The following FLACC1 variants were observed in gnomAD, a reference collection of about 807,000 sequenced individuals.
FLACC1 encodes the protein flagellum-associated coiled-coil domain-containing protein 1.
FLACC1 carries 66 observed loss-of-function variants against 62.8 expected under a neutral mutation model. The ratio of observed to expected loss-of-function variants is 1.05; its 90% CI spans 0.86 to 1.29. FLACC1 has a LOEUF of 1.29. Among genes scored for constraint, FLACC1 ranks in the 50% most tolerant of loss-of-function variants. The pLI is 0.00. For missense variants in FLACC1, 452 were observed against 489.1 expected (o/e 0.92, Z 0.71); for synonymous variants, 156 against 161.0 (o/e 0.97, Z 0.24).
intron 9 of FLACC1, among the ~76,000 whole-genome samples, chr2:201,313,677 C>T (rs1417914096): frequency 6.6e-6 from 1 of 152,138 alleles, no homozygotes; most frequent in Non-Finnish European, 1.5e-5. Flanking sequence ...TCTAGGGCCC[C>T]ACCCACCGCC....
intron 9 of FLACC1, among the ~76,000 whole-genome samples, chr2:201,310,836 G>T (rs1339537798): frequency 6.6e-6 from 1 of 151,708 alleles, no homozygotes; most frequent in African/African-American, 2.4e-5. Flanking sequence ...CCCATACAAA[G>T]AATCAATGAA....
intron 1 of FLACC1, among the ~76,000 whole-genome samples, chr2:201,354,268 T>G (rs967143285): frequency 1.3e-5 from 2 of 152,214 alleles, no homozygotes; most frequent in Non-Finnish European, 2.9e-5. Flanking sequence ...AGATGCTGGT[T>G]GGACCTTGCC....
intron 6 of FLACC1, among the ~76,000 whole-genome samples, chr2:201,343,672 T>G (rs183687160): frequency 3.3e-4 from 51 of 152,276 alleles, no homozygotes; most frequent in African/African-American, 1.1e-3. Context: ...AGTCACCAGA[T>G]GAAACAGATG....
At chr2:201,303,875 G>A (rs574606058) in intron 11 of FLACC1, among the ~76,000 whole-genome samples, 4 of 152,046 alleles carry the variant, frequency 2.6e-5, no homozygotes, top group Admixed American at 1.3e-4. Flanking sequence ...AACAAAATTC[G>A]AAAACCATTC....
At chr2:201,288,812 T>C (rs1163096363) in intron 14 of FLACC1, 31 bp from the exon 15 acceptor site, 1 of 1,608,528 alleles carries the variant, frequency 6.2e-7, no homozygotes, top group African/African-American at 1.3e-5. Context: ...TGTATCAATG[T>C]CAACTCAAAA....
chr2:201,341,637 C>T (rs1222191280), intron 7 of FLACC1, among the ~76,000 whole-genome samples: 1 of 151,802 alleles, frequency 6.6e-6, no homozygotes, highest in Non-Finnish European at 1.5e-5. Flanking sequence ...CATCATTTCA[C>T]TTAGTTAACC....
chr2:201,294,623 G>A (rs1559384505), intron 12 of FLACC1, among the ~76,000 whole-genome samples: 1 of 152,200 alleles, frequency 6.6e-6, no homozygotes, highest in Non-Finnish European at 1.5e-5. Flanking sequence ...AGACAGGGAT[G>A]CCCTCTCTCA....
chr2:201,323,784 C>CAAAAAAAAAAA (rs71022362), intron 9 of FLACC1, among the ~76,000 whole-genome samples: 683 of 52,680 alleles, frequency 0.013, 64 homozygotes, highest in African/African-American at 0.05. Flanking sequence ...CAGACTCTAT[C>CAAAAAAAAAAA]AAAAAAAAAA....
intron 9 of FLACC1, among the ~76,000 whole-genome samples, chr2:201,327,693 T>A (rs1950522005): frequency 6.6e-6 from 1 of 151,490 alleles, no homozygotes; most frequent in South Asian, 2.1e-4. Context: ...GAAAAGGGAG[T>A]GCTTATATAC....
chr2:201,321,010 C>T (rs186743453), intron 9 of FLACC1, among the ~76,000 whole-genome samples: 3 of 152,324 alleles, frequency 2.0e-5, no homozygotes, highest in Admixed American at 6.5e-5. Context: ...CCACTGCCTG[C>T]ACCATTCTGG....
chr2:201,318,783 A>C (rs1304145954), intron 9 of FLACC1, among the ~76,000 whole-genome samples: 1 of 152,244 alleles, frequency 6.6e-6, no homozygotes, highest in East Asian at 1.9e-4. Context: ...GTAATGAATT[A>C]ATGGCATCAA....
chr2:201,320,729 C>T (rs977430545), intron 9 of FLACC1, among the ~76,000 whole-genome samples: 16 of 152,222 alleles, frequency 1.1e-4, no homozygotes, highest in Non-Finnish European at 4.4e-5. Context: ...CCAACCCTCA[C>T]CCTGCTTTGC....
At position 201,330,828 on chromosome 2, in the gene FLACC1, AGCTCCCT is replaced by A. The variant is rs779110966; in HGVS notation, c.525-2_529del. The A allele has an allele frequency of 6.2e-7, 1 of 1,612,754 alleles. No homozygotes were observed. Among genetic ancestry groups the A allele is most frequent in the Non-Finnish European group, 8.5e-7 (1 of 1,179,900 alleles). On this transcript the variant is annotated splice_acceptor_variant and coding_sequence_variant, in exon 8 of 15. Transcript: ENST00000392257. LOFTEE classifies it high-confidence loss of function. ...GAGTTCTGCTTCATGGGCCTCTTTG[AGCTCCCT>A]GTGGGACCCCAGGAGAAGGCCACAA... is the stretch of plus-strand genomic sequence containing the variant.
intron 9 of FLACC1, among the ~76,000 whole-genome samples, chr2:201,321,453 G>C (rs367791467): frequency 6.6e-6 from 1 of 152,154 alleles, no homozygotes; most frequent in Non-Finnish European, 1.5e-5. Context: ...GGCTCAGCAG[G>C]AAAAGTCTTC....
intron 9 of FLACC1, among the ~76,000 whole-genome samples, chr2:201,322,722 G>C (rs897229418): frequency 1.3e-5 from 2 of 152,062 alleles, no homozygotes; most frequent in Non-Finnish European, 2.9e-5. Context: ...TAGCTCTCCA[G>C]CAATGGATCC....
intron 11 of FLACC1, among the ~76,000 whole-genome samples, chr2:201,301,787 T>C (rs1949990135): frequency 6.6e-6 from 1 of 152,182 alleles, no homozygotes. Flanking sequence ...TATTCAACAT[T>C]CTTAAAGAAA....
intron 7 of FLACC1, among the ~76,000 whole-genome samples, chr2:201,340,814 C>T (rs1950792939): frequency 6.6e-6 from 1 of 152,120 alleles, no homozygotes; most frequent in African/African-American, 2.4e-5. Context: ...GTAATGAACT[C>T]CCTTAATTTT....
chr2:201,298,623 A>G (rs2125544578), intron 12 of FLACC1, among the ~76,000 whole-genome samples: 1 of 152,366 alleles, frequency 6.6e-6, no homozygotes, highest in South Asian at 2.1e-4. Context: ...ATAATGCTGA[A>G]GCCCTGCCTG....
chr2:201,322,123 G>A (rs1407451254), intron 9 of FLACC1, among the ~76,000 whole-genome samples: 2 of 152,016 alleles, frequency 1.3e-5, no homozygotes, highest in Non-Finnish European at 2.9e-5. Flanking sequence ...ACAAAAATTA[G>A]TTGGGTGTGG....
Sources: gnomAD v4.1 joint callset for allele counts (sites outside exome capture counted in the v4.1 genomes callset) on GRCh38, gnomAD v4.1.1 for gene constraint, MANE v1.5 for transcripts, NCBI Gene and HGNC (gene_info 2026-07-23, HGNC 2026-07-21) for gene names.